Variants in KAZN observed in about 807,000 individuals in gnomAD.
KAZN encodes kazrin.
Under a neutral mutation model 87.4 loss-of-function variants are expected in KAZN, and 40 were observed. That is an observed-to-expected ratio of 0.46 (90% confidence interval 0.36 to 0.60). The LOEUF (loss-of-function observed/expected upper bound fraction) is 0.60. Among genes scored for constraint, KAZN ranks in the 20% least tolerant of loss-of-function variants. The pLI is 0.00. For synonymous variants in KAZN, 466 were observed against 458.3 expected (o/e 1.02, Z -0.22); for missense variants, 898 against 1,073.9 (o/e 0.84, Z 2.29).
intron 2 of KAZN, among the ~76,000 whole-genome samples, chr1:14,435,148 T>C (rs1464838122): frequency 6.6e-6 from 1 of 152,166 alleles, no homozygotes; most frequent in Non-Finnish European, 1.5e-5. Context: ...CCAGCATCGG[T>C]GGCGCTCGTG....
chr1:14,901,151 T>TG (rs1655837783), intron 1 of KAZN, among the ~76,000 whole-genome samples: 1 of 151,986 alleles, frequency 6.6e-6, no homozygotes, highest in African/African-American at 2.4e-5. Flanking sequence ...CGGGGACAAC[T>TG]GGGGGAAGGC....
At chr1:14,275,949 A>C (rs1652310569) in intron 2 of KAZN, among the ~76,000 whole-genome samples, 1 of 152,110 alleles carries the variant, frequency 6.6e-6, no homozygotes. Context: ...TCCTATGTAA[A>C]AATGTTGGGA....
chr1:14,980,011 C>T (rs1666071942), intron 2 of KAZN, among the ~76,000 whole-genome samples: 1 of 152,176 alleles, frequency 6.6e-6, no homozygotes, highest in African/African-American at 2.4e-5. Context: ...GTCTCAGCCT[C>T]CTGAGTAGCT....
chr1:13,902,521 C>T (rs925008072), intron 1 of KAZN, among the ~76,000 whole-genome samples: 3 of 152,150 alleles, frequency 2.0e-5, no homozygotes, highest in African/African-American at 7.2e-5. Context: ...TTCCCAAACC[C>T]TGGCGGCTAC....
rs1640736840 is a variant in KAZN at position 15,094,924 on chromosome 1, C to T, written c.1538C>T (p.Ala513Val). Reference sequence around the variant, plus strand: ...ATCGAGGACTACCGTGATGCCGAGGCAGGCCGCAGGTGAGCCCACCACGAG... The same window carrying T: ...ATCGAGGACTACCGTGATGCCGAGGTAGGCCGCAGGTGAGCCCACCACGAG... ...LAIEDYRDAE[A>V]GRSLSKAAEL... The change falls in exon 10 of 15, where the codon GCA becomes GTA. Residue 513 changes from alanine to valine, a missense_variant. By Grantham distance (64) the Ala-to-Val change is moderately conservative. Around this residue, in one of 3 missense-constraint regions of KAZN, gnomAD observed 521 missense variants for 689.4 expected, o/e 0.76. Coordinates refer to ENST00000376030, the MANE Select transcript of KAZN (RefSeq NM_201628.3). This position sits in a 1 kb window ranked among gnomAD's most constrained non-coding sequence, Gnocchi z 4.5. 2 of 1,549,176 alleles carry T rather than the reference C, an allele frequency of 1.3e-6. No homozygotes were observed. The highest frequency in any genetic ancestry group is 4.9e-5 in the East Asian group (2 of 40,896).
chr1:14,686,171 T>G (rs1640939911), intron 1 of KAZN, among the ~76,000 whole-genome samples: 1 of 152,120 alleles, frequency 6.6e-6, no homozygotes, highest in South Asian at 2.1e-4. Flanking sequence ...TGGGTTCAAG[T>G]GATTCTCCTG....
intron 2 of KAZN, among the ~76,000 whole-genome samples, chr1:14,394,266 T>C (rs895816627): frequency 6.6e-6 from 1 of 152,254 alleles, no homozygotes; most frequent in Non-Finnish European, 1.5e-5. Context: ...TCAAGGGGAA[T>C]GGCAATGGCC....
chr1:14,619,421 G>A (rs945739031), intron 1 of KAZN, among the ~76,000 whole-genome samples: 12 of 151,730 alleles, frequency 7.9e-5, no homozygotes, highest in Non-Finnish European at 1.3e-4. Context: ...GTTGGTCTCT[G>A]AACTCCTGGC....
At chr1:14,175,711 C>G (rs1055902603) in intron 1 of KAZN, among the ~76,000 whole-genome samples, 2 of 152,208 alleles carry the variant, frequency 1.3e-5, no homozygotes, top group South Asian at 4.1e-4. Flanking sequence ...CTTCCAAGAA[C>G]TGGCATAAGG....
chr1:13,918,838 T>C (rs1237632460), intron 1 of KAZN, among the ~76,000 whole-genome samples: 1 of 152,236 alleles, frequency 6.6e-6, no homozygotes, highest in Non-Finnish European at 1.5e-5. Flanking sequence ...TTTTTTATTT[T>C]TTATTTTTTT....
At chr1:15,034,229 C>G (rs1241455357) in intron 2 of KAZN, among the ~76,000 whole-genome samples, 1 of 152,154 alleles carries the variant, frequency 6.6e-6, no homozygotes, top group Non-Finnish European at 1.5e-5. Flanking sequence ...TCCGATCTAT[C>G]TGTATTTTCT....
At chr1:15,060,529 C>T in intron 6 of KAZN, 1 of 601,072 alleles carries the variant, frequency 1.7e-6, no homozygotes, top group South Asian at 2.0e-5. Context: ...TGAGGAGAAT[C>T]CAGAGGAAGC....
chr1:14,172,386 T>C (rs1277863195), intron 1 of KAZN, among the ~76,000 whole-genome samples: 2 of 152,126 alleles, frequency 1.3e-5, no homozygotes, highest in Non-Finnish European at 2.9e-5. Flanking sequence ...TCTTCATTTA[T>C]TTGTTCTTTT....
intron 2 of KAZN, among the ~76,000 whole-genome samples, chr1:14,382,319 TTC>T (rs1454377451): frequency 6.6e-6 from 1 of 152,020 alleles, no homozygotes; most frequent in African/African-American, 2.4e-5. Flanking sequence ...GAAGAAACAA[TTC>T]TTTTTTTTAT....
At chr1:13,974,210 A>G (rs1642231987) in intron 1 of KAZN, among the ~76,000 whole-genome samples, 1 of 152,232 alleles carries the variant, frequency 6.6e-6, no homozygotes, top group Admixed American at 6.5e-5. Flanking sequence ...CCTAGCATGT[A>G]CCAAAACTCC....
chr1:13,980,943 C>T (rs1353986408), intron 1 of KAZN, among the ~76,000 whole-genome samples: 2 of 151,446 alleles, frequency 1.3e-5, no homozygotes, highest in East Asian at 3.9e-4. Context: ...TTATGTATAG[C>T]AGTGAAAGGC....
chr1:13,982,749 G>T (rs1193268336), intron 1 of KAZN, among the ~76,000 whole-genome samples: 1 of 152,146 alleles, frequency 6.6e-6, no homozygotes, highest in African/African-American at 2.4e-5. Flanking sequence ...GTTCTCCAAG[G>T]CCCCACCAGA....
chr1:14,026,086 A>G (rs1641057388), intron 1 of KAZN, among the ~76,000 whole-genome samples: 3 of 152,216 alleles, frequency 2.0e-5, no homozygotes, highest in Non-Finnish European at 4.4e-5. Context: ...AAATGTTTAT[A>G]TGAAGGAAAA....
chr1:14,737,074 G>T (rs1034666828), intron 1 of KAZN, among the ~76,000 whole-genome samples: 4 of 152,194 alleles, frequency 2.6e-5, no homozygotes, highest in African/African-American at 7.2e-5. Context: ...CAGGGAGGGA[G>T]GCTGCTGGGA....
Sources: allele counts gnomAD v4.1 joint callset (sites outside exome capture counted in the v4.1 genomes callset), GRCh38; gene constraint gnomAD v4.1.1; regional missense constraint gnomAD v4.1.1; non-coding constraint Gnocchi (gnomAD v3.1); transcripts MANE v1.5; gene names NCBI Gene and HGNC (gene_info 2026-07-23, HGNC 2026-07-21).